The following PRKCH variants were observed in gnomAD, a reference collection of about 807,000 sequenced individuals.
PRKCH encodes the protein protein kinase C eta.
In PRKCH, 28 loss-of-function variants were observed where a neutral mutation model predicts 82.5. The ratio of observed to expected loss-of-function variants is 0.34; its 90% CI spans 0.25 to 0.47. PRKCH has a LOEUF of 0.47. PRKCH is among the 20% of genes least tolerant of loss of function. The pLI is 1.00. For missense variants in PRKCH, 705 were observed against 881.8 expected (o/e 0.80, Z 2.54); for synonymous variants, 322 against 327.4 (o/e 0.98, Z 0.18).
At chr14:61,456,500 G>C (rs1412899446) in intron 7 of PRKCH, among the ~76,000 whole-genome samples, 2 of 152,092 alleles carry the variant, frequency 1.3e-5, no homozygotes, top group African/African-American at 4.8e-5. Flanking sequence ...AAAATACCCA[G>C]GACAAATTTT....
chr14:61,506,288 A>T (rs1201873973), intron 10 of PRKCH, among the ~76,000 whole-genome samples: 2 of 152,172 alleles, frequency 1.3e-5, no homozygotes, highest in Non-Finnish European at 2.9e-5. Context: ...CTCTTTTGTC[A>T]TGGAATTTCT....
intron 1 of PRKCH, among the ~76,000 whole-genome samples, chr14:61,255,098 G>A (rs1392626031): frequency 6.6e-6 from 1 of 152,168 alleles, no homozygotes; most frequent in Non-Finnish European, 1.5e-5. Flanking sequence ...TCAGGATTAG[G>A]GCTGGAGTTG....
At chr14:61,323,225 A>G (rs1488536734) in intron 1 of PRKCH, among the ~76,000 whole-genome samples, 1 of 152,042 alleles carries the variant, frequency 6.6e-6, no homozygotes, top group Non-Finnish European at 1.5e-5. Flanking sequence ...ACGTGTAGCT[A>G]CCCGCAGCTC....
intron 1 of PRKCH, among the ~76,000 whole-genome samples, chr14:61,329,297 C>A (rs963260151): frequency 8.5e-6 from 1 of 117,506 alleles, no homozygotes; most frequent in African/African-American, 3.1e-5. Flanking sequence ...AGTACAGTGG[C>A]ACGATCTCGG....
chr14:61,192,989 T>G (rs1489517044), intron 1 of PRKCH, among the ~76,000 whole-genome samples: 1 of 152,220 alleles, frequency 6.6e-6, no homozygotes, highest in Non-Finnish European at 1.5e-5. Context: ...GTCTCCAGGT[T>G]CTAGGATCTG....
At chr14:61,328,501 A>G (rs2045734001) in intron 1 of PRKCH, among the ~76,000 whole-genome samples, 1 of 152,082 alleles carries the variant, frequency 6.6e-6, no homozygotes, top group African/African-American at 2.4e-5. Context: ...AGCCTTGGAG[A>G]GGAATGAGGT....
chr14:61,352,330 A>G (rs575964898), intron 1 of PRKCH, among the ~76,000 whole-genome samples: 2 of 152,184 alleles, frequency 1.3e-5, no homozygotes, highest in South Asian at 2.1e-4. Context: ...CCACATCCAC[A>G]TGGCTGTTAA....
chr14:61,370,265 A>G (rs908813283), intron 1 of PRKCH, among the ~76,000 whole-genome samples: 4 of 152,150 alleles, frequency 2.6e-5, no homozygotes, highest in Non-Finnish European at 4.4e-5. Context: ...TTAAAAACTG[A>G]GAACCCTAAT....
At chr14:61,188,187 G>A (rs572340111) in intron 1 of PRKCH, among the ~76,000 whole-genome samples, 1 of 152,308 alleles carries the variant, frequency 6.6e-6, no homozygotes, top group East Asian at 1.9e-4. Context: ...ATGTGCCCCC[G>A]GGGCACCCAT....
intron 1 of PRKCH, among the ~76,000 whole-genome samples, chr14:61,314,237 A>G (rs1183850237): frequency 1.3e-5 from 2 of 152,096 alleles, no homozygotes; most frequent in Non-Finnish European, 2.9e-5. Context: ...AATCTACAAA[A>G]CTATAATTGG....
chr14:61,514,552 T>G (rs1461482387), intron 10 of PRKCH, among the ~76,000 whole-genome samples: 1 of 152,034 alleles, frequency 6.6e-6, no homozygotes, highest in South Asian at 2.1e-4. Flanking sequence ...ACGTTGGCTG[T>G]AGAGGTCCCA....
intron 2 of PRKCH, among the ~76,000 whole-genome samples, chr14:61,411,825 A>G (rs1389177329): frequency 1.3e-5 from 2 of 152,340 alleles, no homozygotes; most frequent in South Asian, 2.1e-4. Context: ...AAGCTGCCTG[A>G]GTCTGGGGAA....
In PRKCH at chr14:61,485,591, T is replaced by C. The variant is rs780237512; in HGVS notation, c.1368T>C (p.Ala456=). Residue 456 remains alanine (A), a synonymous_variant, in exon 10 of 14, where the codon GCT becomes GCC. Coordinates refer to ENST00000332981, the MANE Select transcript of PRKCH (RefSeq NM_006255.5). ...CTCGTCGTTTTGATGAAGCACGAGC[T>C]CGCTTCTATGCTGCAGAAATCATTT... is the stretch of plus-strand genomic sequence containing the variant. The part of the protein sequence containing the change: ...QKSRRFDEAR[A]RFYAAEIISA... 32 of 1,614,088 alleles carry C rather than the reference T, an allele frequency of 2.0e-5. 1 individual carries two copies. In the South Asian group the frequency reaches 3.5e-4, roughly 18 times the overall value.
At chr14:61,502,029 AG>A (rs1886930620) in intron 10 of PRKCH, among the ~76,000 whole-genome samples, 1 of 149,926 alleles carries the variant, frequency 6.7e-6, no homozygotes, top group Non-Finnish European at 1.5e-5. Context: ...GAAAGGTAGT[AG>A]GTAGGCAATC....
intron 1 of PRKCH, among the ~76,000 whole-genome samples, chr14:61,354,387 C>T (rs2046121067): frequency 7.1e-6 from 1 of 141,318 alleles, no homozygotes; most frequent in African/African-American, 2.7e-5. Context: ...TTACCATCTT[C>T]TTATTGCTGT....
chr14:61,526,042 G>A (rs897861953), intron 10 of PRKCH, among the ~76,000 whole-genome samples: 1 of 152,236 alleles, frequency 6.6e-6, no homozygotes, highest in African/African-American at 2.4e-5. Flanking sequence ...ACTTGTGGAA[G>A]AACTGAGAGT....
chr14:61,406,051 A>C (rs1029378102), intron 2 of PRKCH, among the ~76,000 whole-genome samples: 1 of 152,220 alleles, frequency 6.6e-6, no homozygotes, highest in Non-Finnish European at 1.5e-5. Flanking sequence ...TCTGGGGAAG[A>C]GGCCAAGGAA....
chr14:61,444,306 T>G (rs1884112817), intron 3 of PRKCH, among the ~76,000 whole-genome samples: 1 of 152,166 alleles, frequency 6.6e-6, no homozygotes, highest in South Asian at 2.1e-4. Context: ...CCTGGCGTCT[T>G]TGAGTTCACG....
intron 1 of PRKCH, among the ~76,000 whole-genome samples, chr14:61,378,491 C>G (rs2140182361): frequency 6.6e-6 from 1 of 152,194 alleles, no homozygotes; most frequent in South Asian, 2.1e-4. Flanking sequence ...CAGATGTGAG[C>G]CGCCACACCC....
Sources: gnomAD v4.1 joint callset for allele counts (sites outside exome capture counted in the v4.1 genomes callset) on GRCh38, gnomAD v4.1.1 for gene constraint, MANE v1.5 for transcripts, NCBI Gene and HGNC (gene_info 2026-07-23, HGNC 2026-07-21) for gene names.